Variants in CEP170 observed in about 807,000 individuals in gnomAD.
CEP170 encodes the protein centrosomal protein of 170 kDa.
Under a neutral mutation model 151.9 loss-of-function variants are expected in CEP170, and 21 were observed. That is an observed-to-expected ratio of 0.14 (90% CI 0.10 to 0.20). CEP170 has a LOEUF of 0.20. Among genes scored for constraint, CEP170 ranks in the 10% least tolerant of loss-of-function variants. CEP170 has a pLI of 1.00. For missense variants in CEP170, 964 were observed against 1,892.9 expected (o/e 0.51, Z 9.11); for synonymous variants, 356 against 648.8 (o/e 0.55, Z 6.86).
intron 1 of CEP170, among the ~76,000 whole-genome samples, chr1:243,235,233 A>G (rs1218805280): frequency 1.3e-5 from 2 of 152,186 alleles, no homozygotes; most frequent in African/African-American, 4.8e-5. Context: ...AACAAAGAGG[A>G]CAGGATAACT....
intron 12 of CEP170, 133 bp downstream of exon 12, chr1:243,169,495 T>C (rs2058679300): frequency 2.0e-6 from 3 of 1,476,058 alleles, no homozygotes; most frequent in African/African-American, 1.4e-5. Flanking sequence ...TCTTACTATA[T>C]AGATTTGGCT....
At chr1:243,193,612 T>C (rs1351747704) in intron 7 of CEP170, among the ~76,000 whole-genome samples, 2 of 152,068 alleles carry the variant, frequency 1.3e-5, no homozygotes, top group Non-Finnish European at 2.9e-5. Context: ...CAAACTCGCA[T>C]TCACTCAAAG....
At chr1:243,250,233 A>G (rs2065814891) in intron 1 of CEP170, among the ~76,000 whole-genome samples, 1 of 152,302 alleles carries the variant, frequency 6.6e-6, no homozygotes, top group South Asian at 2.1e-4. Context: ...GTCCTTGGCT[A>G]TATTAAGTAT....
At chr1:243,149,321 C>T (rs113722919) in intron 14 of CEP170, among the ~76,000 whole-genome samples, 23 of 152,264 alleles carry the variant, frequency 1.5e-4, no homozygotes, top group East Asian at 3.9e-4. Flanking sequence ...GATGGTCTGA[C>T]GCCATCTGAC....
chr1:243,237,779 C>T (rs913566932), intron 1 of CEP170, among the ~76,000 whole-genome samples: 5 of 151,654 alleles, frequency 3.3e-5, no homozygotes, highest in Non-Finnish European at 7.4e-5. Context: ...GTGGCGGGTG[C>T]CTGTAATCCT....
chr1:243,239,408 C>A (rs1455692269), intron 1 of CEP170, among the ~76,000 whole-genome samples: 3 of 152,118 alleles, frequency 2.0e-5, no homozygotes, highest in Non-Finnish European at 4.4e-5. Context: ...TACCTGAATC[C>A]CTTGTCTCTA....
intron 10 of CEP170, among the ~76,000 whole-genome samples, chr1:243,180,045 T>G (rs942315137): frequency 2.6e-5 from 4 of 152,220 alleles, no homozygotes; most frequent in Non-Finnish European, 5.9e-5. Flanking sequence ...TTGTGCAACA[T>G]TTTAAACGTA....
At chr1:243,155,211 C>G (rs1459538270) in intron 14 of CEP170, among the ~76,000 whole-genome samples, 2 of 152,264 alleles carry the variant, frequency 1.3e-5, no homozygotes, top group Non-Finnish European at 1.5e-5. Flanking sequence ...GGCATGTTCT[C>G]TCCAAGAATA....
At chr1:243,230,004 C>G (rs950837518) in intron 1 of CEP170, among the ~76,000 whole-genome samples, 3 of 152,170 alleles carry the variant, frequency 2.0e-5, no homozygotes, top group South Asian at 4.1e-4. Context: ...TTCAGCAATC[C>G]CTGGAGAGTG....
At position 243,148,666 on chromosome 1, in the gene CEP170, A is replaced by G. The variant is rs535440381; in HGVS notation, c.3912-6203T>C. ...ATCTCACAGTACAATAAAGAATAAG[A>G]AGTCCAGGCAAGAGGCTCAAAGTTT... On this transcript the variant is annotated intron_variant, in intron 14 of 19. Transcript: ENST00000366542. 3.9e-5 allele frequency among the ~76,000 whole-genome samples: 6 copies of G among 152,350 alleles called. No homozygotes were observed. The South Asian group carries it at 1.2e-3, about 32-fold the overall frequency.
chr1:243,212,633 A>G (rs2061910665), intron 3 of CEP170, among the ~76,000 whole-genome samples: 1 of 152,200 alleles, frequency 6.6e-6, no homozygotes, highest in African/African-American at 2.4e-5. Context: ...GAATAACAGA[A>G]GCAATAACCA....
chr1:243,145,346 C>G (rs1406546625), intron 14 of CEP170, among the ~76,000 whole-genome samples: 2 of 152,190 alleles, frequency 1.3e-5, no homozygotes, highest in Non-Finnish European at 2.9e-5. Context: ...GCAATCTCAG[C>G]TCACTGCAAC....
rs865899476 is a variant in CEP170 at position 243,235,712 on chromosome 1, T to C, written c.-41-10391A>G. ...AAAAAAAAATTCTCATAAAAATAAG[T>C]GAAGATGACATTCCAAATACCACAC... On this transcript the variant is annotated intron_variant, in intron 1 of 19. Coordinates refer to ENST00000366542, the MANE Select transcript of CEP170 (RefSeq NM_014812.3). Among the ~76,000 whole-genome samples, 3 of 152,002 alleles carry C rather than the reference T, an allele frequency of 2.0e-5. No homozygotes were observed. The Middle Eastern group carries it at 0.01, about 517-fold the overall frequency.
At chr1:243,236,919 A>C (rs1045855935) in intron 1 of CEP170, among the ~76,000 whole-genome samples, 15 of 152,356 alleles carry the variant, frequency 9.8e-5, no homozygotes, top group African/African-American at 3.6e-4. Flanking sequence ...TAATTTTAGC[A>C]TATCACTAAT....
intron 14 of CEP170, among the ~76,000 whole-genome samples, chr1:243,144,117 A>G (rs1253398181): frequency 6.6e-6 from 1 of 152,242 alleles, no homozygotes; most frequent in Non-Finnish European, 1.5e-5. Flanking sequence ...GCTAAGTCCT[A>G]AAGACTACAG....
At chr1:243,207,442 AT>A (rs2061497620) in intron 4 of CEP170, among the ~76,000 whole-genome samples, 1 of 152,224 alleles carries the variant, frequency 6.6e-6, no homozygotes, top group African/African-American at 2.4e-5. Context: ...ATAGCCTGAG[AT>A]TTCAATACCC....
In CEP170 at chr1:243,185,422, C is replaced by T. The variant is rs769058046; in HGVS notation, c.1566+357G>A. ...TGGCTAATATCTACATTTATGTTAA[C>T]AGAGTTATAGCAATGTTTGTTGGTT... On this transcript the variant is annotated intron_variant, in intron 10 of 19. Coordinates refer to ENST00000366542, the MANE Select transcript of CEP170 (RefSeq NM_014812.3). The surrounding 1 kb of genome is among the most constrained non-coding windows in gnomAD (Gnocchi z 4.9). Among the ~76,000 whole-genome samples the T allele has an allele frequency of 9.2e-5, 14 of 152,164 alleles. No individual in the cohort carries two copies. Among genetic ancestry groups the T allele is most frequent in the African/African-American group, 3.4e-4 (14 of 41,438 alleles).
chr1:243,228,225 T>A (rs1308959576), intron 1 of CEP170, among the ~76,000 whole-genome samples: 1 of 152,194 alleles, frequency 6.6e-6, no homozygotes, highest in Non-Finnish European at 1.5e-5. Context: ...ATCTTGAATA[T>A]CATATGTTAT....
In CEP170 at chr1:243,136,431, T is replaced by A. The variant is rs1031279280; in HGVS notation, c.4231-200A>T. ...AACACTATTAACAAAGGAGTTCTTA[T>A]TATTAAATAACTTGTCAAAGTTTCC... On this transcript the variant is annotated intron_variant, in intron 16 of 19. Transcript: ENST00000366542. 9.8e-6 allele frequency: 6 copies of A among 611,342 alleles called. No individual in the cohort carries two copies. The African/African-American group carries it at 1.1e-4, about 11-fold the overall frequency. 37.9% of individuals were successfully genotyped at this position (611,342 alleles called of 1,614,324 possible). A position where few individuals can be genotyped will look rare whatever the true frequency, so the allele number is the denominator to read the frequency against.
Sources: gnomAD v4.1 joint callset for allele counts (sites outside exome capture counted in the v4.1 genomes callset) on GRCh38, gnomAD v4.1.1 for gene constraint, Gnocchi (gnomAD v3.1) non-coding constraint, MANE v1.5 for transcripts, NCBI Gene and HGNC (gene_info 2026-07-23, HGNC 2026-07-21) for gene names.